Variants in KCNH5 observed in about 807,000 individuals in gnomAD.
KCNH5 encodes the protein potassium voltage-gated channel subfamily H member 5, also known as voltage-gated delayed rectifier potassium channel KCNH5.
In KCNH5, 46 loss-of-function variants were observed where a neutral mutation model predicts 96.1. The observed-to-expected ratio is 0.48, with a 90% confidence interval of 0.38 to 0.61. The LOEUF is 0.61. Among genes scored for constraint, KCNH5 ranks in the 20% least tolerant of loss-of-function variants. KCNH5 has a pLI of 0.00. For missense variants in KCNH5, 907 were observed against 1,225.8 expected, an observed-to-expected ratio of 0.74 and a Z score of 3.88; for synonymous variants, 439 against 449.8, an observed-to-expected ratio of 0.98 and a Z score of 0.30.
chr14:62,799,726 T>TATATATACACACACAC (rs1213484157), intron 9 of KCNH5, among the ~76,000 whole-genome samples: 6 of 68,664 alleles, frequency 8.7e-5, no homozygotes, highest in Non-Finnish European at 1.7e-4. Flanking sequence ...TATATATATA[T>TATATATACACACACAC]ACACACACAC....
At chr14:62,712,214 A>C (rs1884585783) in intron 10 of KCNH5, 1 of 155,202 alleles carries the variant, frequency 6.4e-6, no homozygotes, top group Admixed American at 6.3e-5. Flanking sequence ...TTTTTTAAAA[A>C]AAATACTAGT....
rs751812835 is a variant in KCNH5, at chr14:62,802,526, C to CG, written c.1624dup (p.Arg542ProfsTer5). ...AGCAGGATGTTCATTAAAAACCTTC[C>CG]GGTTTAGATGAACACAGATATCAGC... is the stretch of plus-strand genomic sequence containing the variant. On this transcript the variant is annotated frameshift_variant, in exon 9 of 11. Coordinates refer to ENST00000322893, the MANE Select transcript of KCNH5 (RefSeq NM_139318.5). LOFTEE classifies it high-confidence loss of function. The CG allele has an allele frequency of 5.6e-6, 9 of 1,613,948 alleles. No individual in the cohort carries two copies.
intron 9 of KCNH5, among the ~76,000 whole-genome samples, chr14:62,795,561 C>A (rs904858762): frequency 6.6e-6 from 1 of 152,132 alleles, no homozygotes; most frequent in Non-Finnish European, 1.5e-5. Flanking sequence ...CACCATTTTA[C>A]GTAAGGGACT....
At chr14:63,004,629 G>A (rs941204645) in intron 3 of KCNH5, among the ~76,000 whole-genome samples, 2 of 152,222 alleles carry the variant, frequency 1.3e-5, no homozygotes, top group African/African-American at 2.4e-5. Flanking sequence ...TGTCATTACA[G>A]GGTCTTGCTC....
intron 10 of KCNH5, among the ~76,000 whole-genome samples, chr14:62,738,625 G>A (rs544850806): frequency 1.3e-5 from 2 of 152,220 alleles, no homozygotes; most frequent in South Asian, 4.1e-4. Flanking sequence ...TGTAGTTTGT[G>A]TTTATATCGC....
At chr14:63,033,526 C>G (rs1334767665) in intron 1 of KCNH5, among the ~76,000 whole-genome samples, 1 of 152,196 alleles carries the variant, frequency 6.6e-6, no homozygotes, top group Non-Finnish European at 1.5e-5. Context: ...CTCCCCTTTT[C>G]ATCCAAAATG....
intron 9 of KCNH5, among the ~76,000 whole-genome samples, chr14:62,782,528 A>C (rs969553911): frequency 6.6e-6 from 1 of 152,218 alleles, no homozygotes; most frequent in Non-Finnish European, 1.5e-5. Flanking sequence ...CTTGGTAGCC[A>C]AAGAAAGCCT....
At chr14:63,007,301 T>C (rs1157712233) in intron 2 of KCNH5, among the ~76,000 whole-genome samples, 1 of 152,142 alleles carries the variant, frequency 6.6e-6, no homozygotes, top group East Asian at 1.9e-4. Context: ...AGTGGAAGAA[T>C]AAAATATTTG....
chr14:62,911,186 A>T (rs1889145770), intron 7 of KCNH5, among the ~76,000 whole-genome samples: 1 of 152,154 alleles, frequency 6.6e-6, no homozygotes. Context: ...ATGAAGGTAT[A>T]CCATGTGCAT....
chr14:62,742,177 G>A (rs1688957567), intron 10 of KCNH5, among the ~76,000 whole-genome samples: 1 of 151,784 alleles, frequency 6.6e-6, no homozygotes, highest in African/African-American at 2.4e-5. Flanking sequence ...AGAATAGAGT[G>A]CTCTATGCAG....
intron 10 of KCNH5, among the ~76,000 whole-genome samples, chr14:62,768,265 G>GATAA (rs1348087515): frequency 6.6e-6 from 1 of 152,056 alleles, no homozygotes; most frequent in African/African-American, 2.4e-5. Context: ...AAGTAGTTAG[G>GATAA]ATAAGAAAAT....
At position 62,708,427 on chromosome 14, in the gene KCNH5, T is replaced by TAAGA. The variant is rs765723690; in HGVS notation, c.2047_2048insTCTT (p.Lys683IlefsTer14). 1 of 1,604,938 alleles carries TAAGA rather than the reference T, an allele frequency of 6.2e-7. No individual in the cohort carries two copies. On this transcript the variant is annotated frameshift_variant, in exon 11 of 11. Transcript: ENST00000322893. LOFTEE classifies it high-confidence loss of function. ...CCGGAGGCGCTCCTCCTCCTCTTTC[T>TAAGA]TCACATCACTGATCTTACGAAAGAT... is the stretch of plus-strand genomic sequence containing the variant.
intron 7 of KCNH5, among the ~76,000 whole-genome samples, chr14:62,869,138 T>C (rs1020595622): frequency 1.2e-4 from 19 of 152,342 alleles, no homozygotes; most frequent in African/African-American, 4.1e-4. Flanking sequence ...GTTGAACTAA[T>C]TTACACTCCC....
intron 9 of KCNH5, among the ~76,000 whole-genome samples, chr14:62,798,799 G>C (rs1358853917): frequency 1.3e-5 from 2 of 152,054 alleles, no homozygotes; most frequent in African/African-American, 4.8e-5. Flanking sequence ...AAAGAATTAC[G>C]TGCCTATCGA....
chr14:62,714,753 A>T (rs894143722), intron 10 of KCNH5, among the ~76,000 whole-genome samples: 2 of 152,232 alleles, frequency 1.3e-5, no homozygotes, highest in African/African-American at 2.4e-5. Context: ...ATGTAGTATT[A>T]AAAGAAATCA....
At chr14:62,778,773 A>G (rs1156634679) in intron 10 of KCNH5, among the ~76,000 whole-genome samples, 1 of 152,276 alleles carries the variant, frequency 6.6e-6, no homozygotes, top group Non-Finnish European at 1.5e-5. Context: ...ATGTTCAAGT[A>G]TAGATCAAAT....
At chr14:62,890,492 G>A (rs1336522772) in intron 7 of KCNH5, among the ~76,000 whole-genome samples, 6 of 151,678 alleles carry the variant, frequency 4.0e-5, no homozygotes, top group Non-Finnish European at 8.8e-5. Flanking sequence ...TCAGGAGATC[G>A]AGACCATCCC....
intron 10 of KCNH5, among the ~76,000 whole-genome samples, chr14:62,770,330 C>T (rs1885959379): frequency 6.6e-6 from 1 of 152,214 alleles, no homozygotes; most frequent in South Asian, 2.1e-4. Context: ...TTTTGTGCTG[C>T]TGGATTCACC....
At chr14:62,846,134 TTTTG>T (rs1310871145) in intron 8 of KCNH5, among the ~76,000 whole-genome samples, 5 of 152,270 alleles carry the variant, frequency 3.3e-5, no homozygotes, top group Admixed American at 6.5e-5. Flanking sequence ...TTCTATGTCT[TTTTG>T]TTTGTTTGTT....
Sources: gnomAD v4.1 joint callset for allele counts (sites outside exome capture counted in the v4.1 genomes callset) on GRCh38, gnomAD v4.1.1 for gene constraint, MANE v1.5 for transcripts, NCBI Gene and HGNC (gene_info 2026-07-23, HGNC 2026-07-21) for gene names.